Variants in SCN8A observed in about 807,000 individuals in gnomAD.
SCN8A encodes sodium channel protein type 8 subunit alpha.
Under a neutral mutation model 184.1 loss-of-function variants are expected in SCN8A, and 30 were observed. The ratio of observed to expected loss-of-function variants is 0.16; its 90% CI spans 0.12 to 0.22. SCN8A has a LOEUF of 0.22. SCN8A is among the 10% of genes least tolerant of loss of function. The pLI, the probability that SCN8A is intolerant of heterozygous loss-of-function variation, is 1.00. For synonymous variants in SCN8A, 852 were observed against 907.0 expected (o/e 0.94, Z 1.09); for missense variants, 1,057 against 2,498.9 (o/e 0.42, Z 12.30).
intron 9 of SCN8A, among the ~76,000 whole-genome samples, chr12:51,704,514 AC>A (rs1408161072): frequency 2.0e-5 from 3 of 151,456 alleles, no homozygotes; most frequent in Non-Finnish European, 4.4e-5. Context: ...TACTAAAAAT[AC>A]AAAAATTAGC....
intron 11 of SCN8A, among the ~76,000 whole-genome samples, chr12:51,710,530 A>G (rs903456480): frequency 2.0e-5 from 3 of 152,088 alleles, no homozygotes; most frequent in Non-Finnish European, 2.9e-5. Flanking sequence ...GTGGTGGCCC[A>G]TGCCTGTAGT....
chr12:51,788,675 T>C lies in SCN8A; in HGVS notation c.4228-20T>C. ...CACTCCCTTTATAGGCACCGTCTAA[T>C]GACTGACTCTGTTTGCCAGGCAACC... On this transcript the variant is annotated intron_variant, in intron 22 of 26. Coordinates refer to ENST00000627620, the MANE Select transcript of SCN8A (RefSeq NM_001330260.2). 3 of 1,603,046 alleles carry C rather than the reference T, an allele frequency of 1.9e-6. No individual in the cohort carries two copies. Among genetic ancestry groups the C allele is most frequent in the South Asian group, 2.3e-5 (2 of 88,768 alleles).
At chr12:51,773,969 C>T (rs1157142621) in intron 19 of SCN8A, among the ~76,000 whole-genome samples, 1 of 152,116 alleles carries the variant, frequency 6.6e-6, no homozygotes, top group Non-Finnish European at 1.5e-5. Context: ...TCTGAATATA[C>T]TAAAAGCCAT....
intron 25 of SCN8A, among the ~76,000 whole-genome samples, chr12:51,792,340 C>T (rs920367932): frequency 2.7e-5 from 4 of 150,396 alleles, no homozygotes; most frequent in South Asian, 2.1e-4. Context: ...AAAAATTAGC[C>T]GAGCCTGGTA....
intron 14 of SCN8A, among the ~76,000 whole-genome samples, chr12:51,756,864 C>T (rs755055569): frequency 3.3e-5 from 5 of 152,206 alleles, no homozygotes; most frequent in Non-Finnish European, 5.9e-5. Flanking sequence ...AGGGTTTAAT[C>T]TGACATATAA....
intron 13 of SCN8A, among the ~76,000 whole-genome samples, chr12:51,749,404 A>G (rs1942561762): frequency 6.6e-6 from 1 of 152,192 alleles, no homozygotes; most frequent in Non-Finnish European, 1.5e-5. Flanking sequence ...CGCAGCTTCA[A>G]CCTCCACGTG....
intron 14 of SCN8A, among the ~76,000 whole-genome samples, chr12:51,758,660 A>G (rs1239217096): frequency 1.3e-5 from 2 of 151,776 alleles, no homozygotes; most frequent in Non-Finnish European, 2.9e-5. Context: ...CTGGTCTTGA[A>G]CTCCTGACCT....
chr12:51,668,605 G>A (rs1941077634), intron 2 of SCN8A, among the ~76,000 whole-genome samples: 2 of 152,108 alleles, frequency 1.3e-5, no homozygotes, highest in African/African-American at 4.8e-5. Flanking sequence ...CCTAAAAAGT[G>A]CAGTGGTAAG....
chr12:51,781,097 A>G (rs908388689), intron 21 of SCN8A, among the ~76,000 whole-genome samples: 3 of 152,146 alleles, frequency 2.0e-5, no homozygotes, highest in Admixed American at 6.5e-5. Flanking sequence ...CACCAGGTGC[A>G]AAGAAGGGGA....
At chr12:51,662,576 C>A (rs1179140108) in intron 1 of SCN8A, among the ~76,000 whole-genome samples, 188 bp from the exon 2 acceptor site, 1 of 152,152 alleles carries the variant, frequency 6.6e-6, no homozygotes, top group Non-Finnish European at 1.5e-5. Context: ...GACTCCTGAT[C>A]TTTGATCTCC....
At chr12:51,615,140 AT>A (rs34557952) in intron 1 of SCN8A, among the ~76,000 whole-genome samples, 98,536 of 150,548 alleles carry the variant, frequency 0.65, 33,761 homozygotes, top group Non-Finnish European at 0.77. Context: ...TTAATATTCT[AT>A]TTTTTTTTTA....
At chr12:51,645,284 G>T (rs1444088380) in intron 1 of SCN8A, among the ~76,000 whole-genome samples, 1 of 151,104 alleles carries the variant, frequency 6.6e-6, no homozygotes, top group East Asian at 2.0e-4. Context: ...CTACTGGGAA[G>T]TGAGGAGCCC....
At chr12:51,708,500 A>G (rs1344120546) in intron 11 of SCN8A, among the ~76,000 whole-genome samples, 1 of 152,222 alleles carries the variant, frequency 6.6e-6, no homozygotes, top group East Asian at 1.9e-4. Context: ...GAAAGTTGGT[A>G]GGTATAGAAT....
chr12:51,628,583 TG>T (rs1230995254), intron 1 of SCN8A, among the ~76,000 whole-genome samples: 2 of 151,698 alleles, frequency 1.3e-5, no homozygotes, highest in Non-Finnish European at 1.5e-5. Context: ...CTGGGAGTGG[TG>T]GGGGGAAAGG....
intron 14 of SCN8A, among the ~76,000 whole-genome samples, chr12:51,752,217 C>G (rs935526861): frequency 1.3e-5 from 2 of 152,078 alleles, no homozygotes; most frequent in Non-Finnish European, 2.9e-5. Context: ...TTGTTTACTA[C>G]AAAAATCAGG....
rs1262569975 is a variant in SCN8A at position 51,807,555 on chromosome 12, G to A, written c.*126G>A. ...TCTAACCTGAAGATCTATACCAAAC[G>A]TCGTCTGCTTACCACGTAACACAGC... On this transcript the variant is annotated 3_prime_UTR_variant, in exon 27 of 27. Transcript: ENST00000627620. This position sits in a 1 kb window ranked among gnomAD's most constrained non-coding sequence, Gnocchi z 4.5. The A allele has an allele frequency of 2.2e-5, 23 of 1,054,136 alleles. No individual in the cohort carries two copies. In the East Asian group the frequency reaches 2.3e-4, roughly 11 times the overall value. 65.3% of individuals were successfully genotyped at this position (1,054,136 alleles called of 1,614,324 possible).
At chr12:51,707,736 T>C (rs1412941996) in intron 11 of SCN8A, among the ~76,000 whole-genome samples, 1 of 152,216 alleles carries the variant, frequency 6.6e-6, no homozygotes, top group Non-Finnish European at 1.5e-5. Context: ...CTATTTTTAG[T>C]TTTTTGAGGA....
At chr12:51,613,293 T>C (rs184247227) in intron 1 of SCN8A, among the ~76,000 whole-genome samples, 5 of 152,348 alleles carry the variant, frequency 3.3e-5, no homozygotes, top group Non-Finnish European at 5.9e-5. Flanking sequence ...CTAATAGATA[T>C]AGAACAATTC....
intron 1 of SCN8A, among the ~76,000 whole-genome samples, chr12:51,631,261 G>T (rs2138615032): frequency 6.6e-6 from 1 of 152,288 alleles, no homozygotes; most frequent in East Asian, 1.9e-4. Context: ...CCTCCCTGCT[G>T]GGAGCAGGTG....
Sources: allele counts gnomAD v4.1 joint callset (sites outside exome capture counted in the v4.1 genomes callset), GRCh38; gene constraint gnomAD v4.1.1; non-coding constraint Gnocchi (gnomAD v3.1); transcripts MANE v1.5; gene names NCBI Gene and HGNC (gene_info 2026-07-23, HGNC 2026-07-21).